CNTNAP5: variants seen among roughly 807,000 people sequenced by gnomAD.
CNTNAP5 encodes contactin-associated protein-like 5.
CNTNAP5 carries 72 observed loss-of-function variants against 150.2 expected under a neutral mutation model. That is an observed-to-expected ratio of 0.48 (90% CI 0.40 to 0.58). The LOEUF (loss-of-function observed/expected upper bound fraction) is 0.58. CNTNAP5 is among the 20% of genes least tolerant of loss of function. The pLI is 0.00. For synonymous variants in CNTNAP5, 672 were observed against 619.8 expected (o/e 1.08, Z -1.25); for missense variants, 1,636 against 1,626.2 (o/e 1.01, Z -0.10).
chr2:124,400,462 C>T (rs1474600757), intron 3 of CNTNAP5, among the ~76,000 whole-genome samples: 2 of 151,958 alleles, frequency 1.3e-5, no homozygotes, highest in African/African-American at 4.8e-5. Flanking sequence ...TTCTATTTTT[C>T]TCTTTGCCCC....
chr2:124,166,562 C>A (rs1684813847), intron 1 of CNTNAP5, among the ~76,000 whole-genome samples: 2 of 152,080 alleles, frequency 1.3e-5, no homozygotes, highest in Non-Finnish European at 2.9e-5. Context: ...TCTGTTATAC[C>A]TTGTTCTCTT....
At chr2:124,405,366 G>T (rs1691543466) in intron 3 of CNTNAP5, among the ~76,000 whole-genome samples, 1 of 152,136 alleles carries the variant, frequency 6.6e-6, no homozygotes, top group Non-Finnish European at 1.5e-5. Context: ...AAAGAGCCTA[G>T]CAAGTGCCTG....
chr2:124,231,340 C>T (rs917046336), intron 2 of CNTNAP5, among the ~76,000 whole-genome samples: 5 of 152,084 alleles, frequency 3.3e-5, no homozygotes, highest in African/African-American at 1.2e-4. Context: ...TACTCTGGTA[C>T]TCATTTTTCT....
chr2:124,201,029 C>A (rs533594719), intron 1 of CNTNAP5, among the ~76,000 whole-genome samples: 3 of 152,196 alleles, frequency 2.0e-5, no homozygotes, highest in African/African-American at 7.2e-5. Context: ...CATCCTGCTA[C>A]GTTTCATTTT....
chr2:124,914,359 T>C lies in CNTNAP5; in HGVS notation c.*71T>C. On this transcript the variant is annotated 3_prime_UTR_variant, in exon 24 of 24. Transcript: ENST00000682447. ...TCTCCTCCCCCTCTTCTCTCCTGTC[T>C]TTTGATTTGGTCATTCTCTTTATTT... 8.8e-7 allele frequency: 1 copy of C among 1,130,206 alleles called. No homozygotes were observed. Among genetic ancestry groups the C allele is most frequent in the Non-Finnish European group, 1.3e-6 (1 of 777,102 alleles). The allele number at this position is 1,130,206 out of a possible 1,614,324, so 70.0% of individuals were successfully genotyped here.
intron 13 of CNTNAP5, among the ~76,000 whole-genome samples, chr2:124,685,451 G>GAAAA (rs201059908): frequency 0.24 from 35,737 of 151,934 alleles, 4,701 homozygotes; most frequent in African/African-American, 0.36. Context: ...TTCCTTGTAG[G>GAAAA]TTATGCATCT....
chr2:124,764,851 G>C (rs182491316), intron 16 of CNTNAP5, among the ~76,000 whole-genome samples: 11 of 151,982 alleles, frequency 7.2e-5, no homozygotes, highest in African/African-American at 2.7e-4. Flanking sequence ...ACATCAAGTG[G>C]TATTTTTAAT....
At chr2:124,707,410 A>G (rs1679714672) in intron 13 of CNTNAP5, among the ~76,000 whole-genome samples, 1 of 152,202 alleles carries the variant, frequency 6.6e-6, no homozygotes, top group South Asian at 2.1e-4. Context: ...GTAAGTGGGA[A>G]TAAAAATACC....
At chr2:124,198,567 C>T (rs1351558356) in intron 1 of CNTNAP5, among the ~76,000 whole-genome samples, 5 of 152,050 alleles carry the variant, frequency 3.3e-5, no homozygotes, top group African/African-American at 9.7e-5. Context: ...TACCCTCCTC[C>T]CTCTCTCCCC....
chr2:124,205,293 G>A (rs1351890884), intron 1 of CNTNAP5, among the ~76,000 whole-genome samples: 2 of 152,044 alleles, frequency 1.3e-5, no homozygotes, highest in Non-Finnish European at 2.9e-5. Flanking sequence ...TCCCCTGCTT[G>A]CACTTTTCTC....
chr2:124,759,542 T>C (rs1370982652), intron 14 of CNTNAP5, among the ~76,000 whole-genome samples: 1 of 151,466 alleles, frequency 6.6e-6, no homozygotes, highest in Non-Finnish European at 1.5e-5. Context: ...ATCTCTAACG[T>C]CTTGAGGGTC....
chr2:124,145,811 T>TAAAAAAAA (rs761766577), intron 1 of CNTNAP5, among the ~76,000 whole-genome samples: 1 of 12,784 alleles, frequency 7.8e-5, no homozygotes, highest in Non-Finnish European at 1.4e-4. Flanking sequence ...AAAAAAAACA[T>TAAAAAAAA]TAAAAAAAAA....
At chr2:124,269,767 C>G (rs17011234) in intron 3 of CNTNAP5, among the ~76,000 whole-genome samples, 3,052 of 152,008 alleles carry the variant, frequency 0.02, 107 homozygotes, top group African/African-American at 0.068. Flanking sequence ...TGTGATGGAG[C>G]AAAGAAGTAA....
chr2:124,256,481 A>G (rs1405597661), intron 3 of CNTNAP5, among the ~76,000 whole-genome samples: 1 of 152,072 alleles, frequency 6.6e-6, no homozygotes, highest in Non-Finnish European at 1.5e-5. Flanking sequence ...TTATAAGTTC[A>G]CCATCTTTAG....
intron 12 of CNTNAP5, among the ~76,000 whole-genome samples, chr2:124,647,002 G>A (rs1383952484): frequency 6.6e-6 from 1 of 152,128 alleles, no homozygotes; most frequent in East Asian, 1.9e-4. Flanking sequence ...TTAATAAAAG[G>A]AAGTGATTTA....
chr2:124,732,098 G>A (rs1250976811), intron 13 of CNTNAP5, among the ~76,000 whole-genome samples: 1 of 152,038 alleles, frequency 6.6e-6, no homozygotes. Flanking sequence ...ATAGCAGCTT[G>A]TCAGGGATCA....
intron 16 of CNTNAP5, among the ~76,000 whole-genome samples, chr2:124,770,405 A>G (rs1681164681): frequency 6.6e-6 from 1 of 152,178 alleles, no homozygotes; most frequent in Non-Finnish European, 1.5e-5. Flanking sequence ...CCAGCGAAAC[A>G]GCAAGCCCTC....
chr2:124,855,393 G>A (rs1437039216), intron 19 of CNTNAP5, among the ~76,000 whole-genome samples: 3 of 151,970 alleles, frequency 2.0e-5, no homozygotes, highest in Non-Finnish European at 2.9e-5. Context: ...GGTCAGGCTC[G>A]AACTCCTGAC....
intron 12 of CNTNAP5, among the ~76,000 whole-genome samples, chr2:124,631,785 A>G (rs1447089034): frequency 6.6e-6 from 1 of 152,214 alleles, no homozygotes; most frequent in Non-Finnish European, 1.5e-5. Context: ...GCAAACAGAC[A>G]ACCTACAGAA....
Sources: gnomAD v4.1 joint callset for allele counts (sites outside exome capture counted in the v4.1 genomes callset) on GRCh38, gnomAD v4.1.1 for gene constraint, MANE v1.5 for transcripts, NCBI Gene and HGNC (gene_info 2026-07-23, HGNC 2026-07-21) for gene names.